CLIC4: variants seen among roughly 807,000 people sequenced by gnomAD.
CLIC4 encodes the protein chloride intracellular channel protein 4.
A neutral mutation model predicts 24.6 loss-of-function variants in CLIC4; 13 were observed. The ratio of observed to expected loss-of-function variants is 0.53; its 90% CI spans 0.34 to 0.84. The LOEUF is 0.84. CLIC4 is among the 40% of genes least tolerant of loss of function. The pLI, the probability that CLIC4 is intolerant of heterozygous loss-of-function variation, is 0.01. For missense variants in CLIC4, 227 were observed against 301.7 expected (o/e 0.75, Z 1.83); for synonymous variants, 104 against 111.3 (o/e 0.93, Z 0.41).
intron 3 of CLIC4, among the ~76,000 whole-genome samples, chr1:24,820,523 C>T (rs1287495857): frequency 4.6e-5 from 7 of 151,954 alleles, no homozygotes; most frequent in Non-Finnish European, 8.8e-5. Flanking sequence ...CTCAGCCTCC[C>T]AAATTGCTGG....
At chr1:24,762,664 GTGTT>G (rs878867875) in intron 1 of CLIC4, among the ~76,000 whole-genome samples, 1 of 152,158 alleles carries the variant, frequency 6.6e-6, no homozygotes, top group Admixed American at 6.5e-5. Flanking sequence ...ATCAAGCTGA[GTGTT>G]TGTTGGATTT....
intron 1 of CLIC4, among the ~76,000 whole-genome samples, chr1:24,778,378 C>T (rs1191217178): frequency 6.6e-6 from 1 of 152,130 alleles, no homozygotes; most frequent in African/African-American, 2.4e-5. Context: ...TAGTGCATGT[C>T]AACTGCAAAA....
chr1:24,829,557 A>G (rs1214381342), intron 4 of CLIC4, among the ~76,000 whole-genome samples: 1 of 152,132 alleles, frequency 6.6e-6, no homozygotes, highest in Non-Finnish European at 1.5e-5. Context: ...AAGTTCTGTG[A>G]TGGCATTAAT....
intron 1 of CLIC4, among the ~76,000 whole-genome samples, chr1:24,765,815 C>CTTT (rs34506030): frequency 1.8e-4 from 24 of 135,374 alleles, no homozygotes; most frequent in Non-Finnish European, 2.6e-4. Flanking sequence ...TTCTTTCTTT[C>CTTT]TTTTTTTTTT....
At chr1:24,765,305 C>G (rs907534239) in intron 1 of CLIC4, among the ~76,000 whole-genome samples, 2 of 152,120 alleles carry the variant, frequency 1.3e-5, no homozygotes, top group Non-Finnish European at 2.9e-5. Flanking sequence ...GATTGTTACT[C>G]AATAAAATGT....
At position 24,810,860 on chromosome 1, in the gene CLIC4, C is replaced by T. The variant is rs1420136298; in HGVS notation, c.183-3234C>T. Among the ~76,000 whole-genome samples, 8 of 151,646 alleles carry T rather than the reference C, an allele frequency of 5.3e-5. No individual in the cohort carries two copies. The South Asian group carries it at 1.0e-3, about 20-fold the overall frequency. The stretch of plus-strand genomic sequence containing the variant: ...CAGCACTTTGGGAGGCCGAGGTGGG[C>T]GGATCATGAGGTCAGGAGACCATCC... On this transcript the variant is annotated intron_variant, in intron 2 of 5. Coordinates refer to ENST00000374379, the MANE Select transcript of CLIC4 (RefSeq NM_013943.3).
rs1228083909 is a variant in CLIC4, at chr1:24,825,321, G to C, written c.309-1689G>C. Among the ~76,000 whole-genome samples, 3 of 152,160 alleles carry C rather than the reference G, an allele frequency of 2.0e-5. No homozygotes were observed. The East Asian group carries it at 5.8e-4, about 29-fold the overall frequency. On this transcript the variant is annotated intron_variant, in intron 3 of 5. Transcript: ENST00000374379. ...TATTTTTTGTTTGAAATGAGTCAAT[G>C]ATGGTCCTGTATCACAAGCAGTACA...
intron 1 of CLIC4, among the ~76,000 whole-genome samples, chr1:24,765,176 TAGA>T (rs762113450): frequency 1.3e-5 from 2 of 152,192 alleles, no homozygotes; most frequent in Non-Finnish European, 2.9e-5. Context: ...ATGCATGAGA[TAGA>T]AGAAGTATAT....
chr1:24,754,351 G>A (rs1212250599), intron 1 of CLIC4, among the ~76,000 whole-genome samples: 1 of 152,142 alleles, frequency 6.6e-6, no homozygotes, highest in African/African-American at 2.4e-5. Context: ...GCCTGCAGAG[G>A]TGCCTAGAAG....
rs754727448 is a variant in CLIC4, at chr1:24,839,848, T to C, written c.416-12T>C. ...TCTTACAGTATTCTCATCTCTTTTT[T>C]TCCCCCCCAAGCACTGGAGAGGGGT... On this transcript the variant is annotated splice_polypyrimidine_tract_variant and intron_variant, in intron 4 of 5. Coordinates refer to ENST00000374379, the MANE Select transcript of CLIC4 (RefSeq NM_013943.3). 6.9e-6 allele frequency: 11 copies of C among 1,603,296 alleles called. 1 individual carries two copies. Among genetic ancestry groups the C allele is most frequent in the South Asian group, 4.4e-5 (4 of 90,226 alleles).
chr1:24,757,427 G>A (rs1273486301), intron 1 of CLIC4, among the ~76,000 whole-genome samples: 1 of 152,110 alleles, frequency 6.6e-6, no homozygotes, highest in East Asian at 1.9e-4. Flanking sequence ...GGTGGATTAC[G>A]AGAGTGAATA....
chr1:24,826,166 A>G (rs542795592), intron 3 of CLIC4, among the ~76,000 whole-genome samples: 1 of 152,366 alleles, frequency 6.6e-6, no homozygotes, highest in Admixed American at 6.5e-5. Flanking sequence ...CTGGTGTATT[A>G]CATCTGTTCT....
chr1:24,792,220 T>C (rs949536702), intron 1 of CLIC4, among the ~76,000 whole-genome samples: 1 of 151,828 alleles, frequency 6.6e-6, no homozygotes, highest in African/African-American at 2.4e-5. Flanking sequence ...TGACAGAGTC[T>C]TGCTCTGTTA....
chr1:24,784,569 C>T (rs1639242565), intron 1 of CLIC4, among the ~76,000 whole-genome samples: 4 of 152,274 alleles, frequency 2.6e-5, no homozygotes, highest in African/African-American at 7.2e-5. Context: ...GGTAATTGGG[C>T]ATCCTGATGT....
chr1:24,820,286 TTTTTTTG>T (rs1274775239), intron 3 of CLIC4, among the ~76,000 whole-genome samples: 2 of 114,390 alleles, frequency 1.7e-5, no homozygotes, highest in African/African-American at 6.4e-5. Context: ...TTTTTTTTTT[TTTTTTTG>T]AGACATGGTC....
intron 4 of CLIC4, 44 bp downstream of exon 4, chr1:24,827,160 A>AAAC (rs2124167255): frequency 1.7e-6 from 2 of 1,173,058 alleles, no homozygotes; most frequent in East Asian, 4.7e-5. Context: ...AAAAAACCCC[A>AAAC]AACAACAACA....
At chr1:24,794,148 C>T (rs1037563005) in intron 1 of CLIC4, among the ~76,000 whole-genome samples, 10 of 152,150 alleles carry the variant, frequency 6.6e-5, no homozygotes, top group Non-Finnish European at 2.9e-5. Context: ...CTGCAGTGAA[C>T]ATACATATGC....
intron 1 of CLIC4, among the ~76,000 whole-genome samples, chr1:24,792,472 A>G (rs1169339254): frequency 6.6e-6 from 1 of 152,196 alleles, no homozygotes; most frequent in African/African-American, 2.4e-5. Context: ...GATTACGGGC[A>G]TGAACTATTG....
intron 1 of CLIC4, among the ~76,000 whole-genome samples, chr1:24,780,342 C>CT (rs1288546350): frequency 6.6e-6 from 1 of 152,158 alleles, no homozygotes; most frequent in African/African-American, 2.4e-5. Flanking sequence ...GTATTAAATG[C>CT]TTTTTTTCGA....
Sources: allele counts gnomAD v4.1 joint callset (sites outside exome capture counted in the v4.1 genomes callset), GRCh38; gene constraint gnomAD v4.1.1; transcripts MANE v1.5; gene names NCBI Gene and HGNC (gene_info 2026-07-23, HGNC 2026-07-21).